The following GGNBP2 variants were observed in gnomAD, a reference collection of about 807,000 sequenced individuals.
GGNBP2 encodes gametogenetin binding protein 2.
A neutral mutation model predicts 85.9 loss-of-function variants in GGNBP2; 10 were observed. That is an observed-to-expected ratio of 0.12 (90% confidence interval 0.07 to 0.20). GGNBP2 has a LOEUF of 0.20. Ranked by LOEUF, GGNBP2 falls within the 10% of genes least tolerant of loss-of-function variation. The pLI is 1.00. For synonymous variants in GGNBP2, 287 were observed against 285.7 expected, an observed-to-expected ratio of 1.00 and a Z score of -0.05; for missense variants, 595 against 857.8, an observed-to-expected ratio of 0.69 and a Z score of 3.83.
At position 36,568,126 on chromosome 17, in the gene GGNBP2, A is replaced by G. The variant is rs533904854; in HGVS notation, c.641+350A>G. 4.6e-5 allele frequency among the ~76,000 whole-genome samples: 7 copies of G among 152,162 alleles called. No homozygotes were observed. The South Asian group carries it at 1.0e-3, about 23-fold the overall frequency. On this transcript the variant is annotated intron_variant, in intron 6 of 13. Transcript: ENST00000613102. ...TTTCTAGTAGAGATGGGGTTTCACCATGTTGGCCAGGATGGTTTAGATCTG... is the reference window on the plus strand; with the variant it reads ...TTTCTAGTAGAGATGGGGTTTCACCGTGTTGGCCAGGATGGTTTAGATCTG...
At chr17:36,560,913 A>T (rs1399507275) in intron 5 of GGNBP2, 42 bp downstream of exon 5, 9 of 1,017,920 alleles carry the variant, frequency 8.8e-6, no homozygotes, top group Non-Finnish European at 1.2e-5. Context: ...CATTGTTAAG[A>T]TTATATATTT....
chr17:36,576,648 T>C, intron 6 of GGNBP2: 1 of 138,490 alleles, frequency 7.2e-6, no homozygotes, highest in East Asian at 2.0e-4. Context: ...TATATGTATA[T>C]GTATATATAT....
intron 5 of GGNBP2, among the ~76,000 whole-genome samples, chr17:36,561,641 T>C (rs531569974): frequency 2.6e-5 from 4 of 152,226 alleles, no homozygotes; most frequent in African/African-American, 7.2e-5. Context: ...TTATTATTTT[T>C]TGAGATGGAG....
chr17:36,581,556 C>A lies in GGNBP2; in HGVS notation c.1215+18C>A. 1.3e-6 allele frequency: 2 copies of A among 1,568,440 alleles called. No homozygotes were observed. Among genetic ancestry groups the A allele is most frequent in the Non-Finnish European group, 1.7e-6 (2 of 1,143,430 alleles). On this transcript the variant is annotated intron_variant, in intron 9 of 13. Transcript: ENST00000613102. ...AAGAGAAGGTAATATTTCTTAATAT[C>A]AACTCTTAAGTGTGTATGTATTGCT...
rs923348150 is a variant in GGNBP2 at position 36,589,192 on chromosome 17, C to G, written c.1891-16C>G. The G allele has an allele frequency of 1.9e-6, 3 of 1,578,382 alleles. No homozygotes were observed. In the African/African-American group the frequency reaches 4.0e-5, roughly 21 times the overall value. ...CATTCTTAAGTCATAGTCTTAACTA[C>G]TGCTTTAATTTGCAGGATGAGTCTG... On this transcript the variant is annotated splice_polypyrimidine_tract_variant and intron_variant, in intron 13 of 13. Coordinates refer to ENST00000613102, the MANE Select transcript of GGNBP2 (RefSeq NM_024835.5).
intron 9 of GGNBP2, among the ~76,000 whole-genome samples, chr17:36,584,413 C>CT (rs1953253778): frequency 6.6e-6 from 1 of 152,154 alleles, no homozygotes; most frequent in African/African-American, 2.4e-5. Flanking sequence ...TCTTGGCTCA[C>CT]TGCAGGCTCT....
intron 2 of GGNBP2, among the ~76,000 whole-genome samples, chr17:36,554,612 C>T (rs923875625): frequency 6.6e-6 from 1 of 151,662 alleles, no homozygotes; most frequent in Non-Finnish European, 1.5e-5. Flanking sequence ...GGTGATCCGC[C>T]GCCCCCCACC....
chr17:36,546,029 C>T (rs115270459), intron 2 of GGNBP2: 14,563 of 512,276 alleles, frequency 0.028, 274 homozygotes, highest in South Asian at 0.065. Context: ...GTACGCACTC[C>T]CTCTCTCCAG....
chr17:36,555,047 G>A (rs1434416905), intron 3 of GGNBP2, 147 bp downstream of exon 3: 7 of 555,804 alleles, frequency 1.3e-5, no homozygotes, highest in Non-Finnish European at 2.3e-5. Context: ...TAGTAAGCAT[G>A]CATAGTTATT....
intron 5 of GGNBP2, among the ~76,000 whole-genome samples, chr17:36,565,582 T>A (rs2074459680): frequency 6.6e-6 from 1 of 152,100 alleles, no homozygotes; most frequent in South Asian, 2.1e-4. Context: ...TGGGAAATTA[T>A]GCATTATACT....
intron 4 of GGNBP2, among the ~76,000 whole-genome samples, chr17:36,558,875 G>A (rs76289381): frequency 0.074 from 11,306 of 151,970 alleles, 743 homozygotes; most frequent in African/African-American, 0.17. Flanking sequence ...AATGAATGAC[G>A]GCTTTGGAGG....
chr17:36,588,283 A>G (rs2074722852), intron 13 of GGNBP2, among the ~76,000 whole-genome samples: 2 of 151,742 alleles, frequency 1.3e-5, no homozygotes, highest in African/African-American at 4.8e-5. Flanking sequence ...TTTGAGGTGG[A>G]GTTTTGCTCT....
chr17:36,553,232 T>C (rs2074328203), intron 2 of GGNBP2, among the ~76,000 whole-genome samples: 1 of 152,212 alleles, frequency 6.6e-6, no homozygotes. Flanking sequence ...GTTTTCCTTT[T>C]TTGAAAGATA....
chr17:36,583,993 G>A (rs900881437), intron 9 of GGNBP2, among the ~76,000 whole-genome samples: 1 of 152,154 alleles, frequency 6.6e-6, no homozygotes, highest in Non-Finnish European at 1.5e-5. Flanking sequence ...TTATTTCAAA[G>A]TTCACTGAAT....
rs190682321 is a variant in GGNBP2 at position 36,548,570 on chromosome 17, G to A, written c.93+2753G>A. Among the ~76,000 whole-genome samples the A allele has an allele frequency of 4.0e-3, 492 of 123,982 alleles. 3 individuals are homozygous for A. The highest frequency in any genetic ancestry group is 0.013 in the Admixed American group (121 of 9,468). The allele number at this position is 123,982 out of a possible 152,430, so 81.3% of individuals were successfully genotyped here. The stretch of plus-strand genomic sequence containing the variant: ...GTGGAGGTTGCGGTGAGCCGAGATC[G>A]CACCACTGCACTCCAGCCTGGGCAA... On this transcript the variant is annotated intron_variant, in intron 2 of 13. Transcript: ENST00000613102.
rs2074476091 is a variant in GGNBP2, at chr17:36,567,094, G to A, written c.528-569G>A. Among the ~76,000 whole-genome samples, 3 of 152,150 alleles carry A rather than the reference G, an allele frequency of 2.0e-5. No individual in the cohort carries two copies. In the South Asian group the frequency reaches 6.2e-4, roughly 31 times the overall value. On this transcript the variant is annotated intron_variant, in intron 5 of 13. Transcript: ENST00000613102. ...TTTTCAATTTGTGGAAGATTGGTCT[G>A]TGTTTAAAAGGGAAAATACTTGATA...
chr17:36,564,337 C>CCAAT (rs2074448677), intron 5 of GGNBP2, among the ~76,000 whole-genome samples: 1 of 152,224 alleles, frequency 6.6e-6, no homozygotes, highest in Non-Finnish European at 1.5e-5. Flanking sequence ...CCTTCAAAGA[C>CCAAT]CAATCCTTCC....
chr17:36,567,715 G>A lies in GGNBP2; in HGVS notation c.580G>A (p.Val194Ile), dbSNP rs1555606055. ...ELMSQECRDEVVLIDSSCLLE... is the reference protein window; with the variant it reads ...ELMSQECRDEIVLIDSSCLLE... ...AATGTCGCAGGAATGCAGGGATGAA[G>A]TAGTTTTAATTGACTCGAGTTGTCT... Residue 194 changes from valine to isoleucine, a missense_variant, in exon 6 of 14, where the codon GTA becomes ATA. Around this residue, in one of 9 missense-constraint regions of GGNBP2, gnomAD observed 216 missense variants for 293.4 expected, o/e 0.74. Transcript: ENST00000613102. 6.2e-7 allele frequency: 1 copy of A among 1,610,892 alleles called. No homozygotes were observed. The highest frequency in any genetic ancestry group is 1.7e-5 in the Admixed American group (1 of 59,940).
intron 6 of GGNBP2, among the ~76,000 whole-genome samples, chr17:36,569,344 A>G (rs1016746264): frequency 6.6e-6 from 1 of 152,178 alleles, no homozygotes; most frequent in Non-Finnish European, 1.5e-5. Context: ...ACCAGGAGGT[A>G]GAGGTTGCAG....
Sources: allele counts gnomAD v4.1 joint callset (sites outside exome capture counted in the v4.1 genomes callset), GRCh38; gene constraint gnomAD v4.1.1; regional missense constraint gnomAD v4.1.1; transcripts MANE v1.5; gene names NCBI Gene and HGNC (gene_info 2026-07-23, HGNC 2026-07-21).